Variants in NDUFB2 observed in about 807,000 individuals in gnomAD.
NDUFB2 encodes NADH dehydrogenase [ubiquinone] 1 beta subcomplex subunit 2, mitochondrial.
NDUFB2 carries 13 observed loss-of-function variants against 13.4 expected under a neutral mutation model. The observed-to-expected ratio is 0.97, with a 90% CI of 0.63 to 1.54. The LOEUF is 1.54. NDUFB2 is among the 40% of genes most tolerant of loss of function. The pLI is 0.00. For missense variants in NDUFB2, 150 were observed against 139.7 expected, an observed-to-expected ratio of 1.07 and a Z score of -0.37; for synonymous variants, 47 against 50.6, an observed-to-expected ratio of 0.93 and a Z score of 0.30.
intron 1 of NDUFB2, chr7:140,697,522 G>C: frequency 4.6e-6 from 2 of 434,086 alleles, no homozygotes; most frequent in South Asian, 5.9e-5. Flanking sequence ...GCGAGGTAGG[G>C]AGCGGGTGCG....
Position 140,704,890 on chromosome 7 carries a change from T to C in NDUFB2, c.274T>C (p.Trp92Arg), listed in dbSNP as rs755234630. ...CTTTCCGTATCCTGATCCTTCCCAG[T>C]GGACAGATGAAGAATTAGGTATCCC... ...GHFPYPDPSQ[W>R]TDEELGIPPD... is the part of the protein sequence containing the mutation. Residue 92 changes from tryptophan (W) to arginine (R), a missense_variant, in exon 3 of 4, where the codon TGG becomes CGG. Coordinates refer to ENST00000247866, the MANE Select transcript of NDUFB2 (RefSeq NM_004546.3). 3.1e-6 allele frequency: 5 copies of C among 1,604,266 alleles called. No individual in the cohort carries two copies. The Admixed American group carries it at 8.6e-5, about 27-fold the overall frequency.
At chr7:140,698,625 C>T (rs1794852410) in intron 1 of NDUFB2, among the ~76,000 whole-genome samples, 1 of 151,906 alleles carries the variant, frequency 6.6e-6, no homozygotes, top group Non-Finnish European at 1.5e-5. Context: ...AAGGGAAGAG[C>T]CCGGTGGACA....
intron 1 of NDUFB2, among the ~76,000 whole-genome samples, chr7:140,697,622 C>T (rs1178958232): frequency 1.3e-5 from 2 of 152,152 alleles, no homozygotes; most frequent in Non-Finnish European, 2.9e-5. Flanking sequence ...GATTCCAGGT[C>T]CCTTAGATCA....
chr7:140,701,713 A>C, intron 1 of NDUFB2: 1 of 198,170 alleles, frequency 5.0e-6, no homozygotes, highest in Non-Finnish European at 1.0e-5. Context: ...TGGGTGGATC[A>C]CCTAAGGTCA....
intron 1 of NDUFB2, chr7:140,700,551 G>A (rs1432002364): frequency 6.6e-6 from 1 of 151,928 alleles, no homozygotes; most frequent in Non-Finnish European, 1.5e-5. Context: ...CACTTTGGGA[G>A]GTCAGGGCAG....
chr7:140,706,068 A>ATGTTATGTT (rs1794968255), intron 3 of NDUFB2: 1 of 147,434 alleles, frequency 6.8e-6, no homozygotes, highest in Non-Finnish European at 1.5e-5. Context: ...GTTTTATGTT[A>ATGTTATGTT]TGTTATGTTA....
intron 1 of NDUFB2, among the ~76,000 whole-genome samples, chr7:140,702,354 G>A (rs896487045): frequency 1.3e-5 from 2 of 152,138 alleles, no homozygotes; most frequent in East Asian, 1.9e-4. Flanking sequence ...AAAGAAACAC[G>A]TATTCAAACT....
At chr7:140,702,587 C>A in intron 1 of NDUFB2, 1 of 378,434 alleles carries the variant, frequency 2.6e-6, no homozygotes, top group Non-Finnish European at 4.7e-6. Context: ...GGGCTAGCAC[C>A]CCAGAATCAA....
intron 1 of NDUFB2, among the ~76,000 whole-genome samples, chr7:140,698,976 G>A (rs1794858648): frequency 6.6e-6 from 1 of 152,054 alleles, no homozygotes; most frequent in African/African-American, 2.4e-5. Flanking sequence ...TGGCCAACAC[G>A]GTGAAACCCC....
chr7:140,698,743 G>A (rs1277991042), intron 1 of NDUFB2, among the ~76,000 whole-genome samples: 1 of 152,068 alleles, frequency 6.6e-6, no homozygotes, highest in Non-Finnish European at 1.5e-5. Flanking sequence ...CAGGTCACAG[G>A]GACAAGTGTG....
In NDUFB2 at chr7:140,704,887, C is replaced by T. The variant is rs754375818; in HGVS notation, c.271C>T (p.Gln91Ter). 6 of 1,603,230 alleles carry T rather than the reference C, an allele frequency of 3.7e-6. No individual in the cohort carries two copies. The East Asian group carries it at 6.8e-5, about 18-fold the overall frequency. The change falls in exon 3 of 4, where the codon CAG becomes TAG. Residue 91 changes from glutamine (Q) to a stop codon, truncating the protein, a stop_gained. Transcript: ENST00000247866. LOFTEE classifies it high-confidence loss of function. ...LGHFPYPDPS[Q>*]WTDEELGIPP... is the part of the protein sequence containing the mutation. The stretch of plus-strand genomic sequence containing the variant: ...TCACTTTCCGTATCCTGATCCTTCC[C>T]AGTGGACAGATGAAGAATTAGGTAT...
At chr7:140,703,218 T>C (rs1794920509) in intron 2 of NDUFB2, among the ~76,000 whole-genome samples, 1 of 151,690 alleles carries the variant, frequency 6.6e-6, no homozygotes, top group African/African-American at 2.4e-5. Context: ...TATATTTAGG[T>C]GGTCCGTTTC....
intron 2 of NDUFB2, among the ~76,000 whole-genome samples, chr7:140,703,818 C>G (rs569877942): frequency 6.6e-6 from 1 of 152,068 alleles, no homozygotes; most frequent in Non-Finnish European, 1.5e-5. Context: ...TGCAGTGGTG[C>G]GATCTTGGCT....
At position 140,696,857 on chromosome 7, in the gene NDUFB2, G is replaced by A; in HGVS notation, c.98+15G>A. ...GGAGTCCGTCAGTGAGTGTGGGGCT[G>A]GGGATGGGGGCCTCGCCGGCCTGTA... On this transcript the variant is annotated intron_variant, in intron 1 of 3. Transcript: ENST00000247866. 1 of 1,591,126 alleles carries A rather than the reference G, an allele frequency of 6.3e-7. No individual in the cohort carries two copies. The highest frequency in any genetic ancestry group is 8.6e-7 in the Non-Finnish European group (1 of 1,168,600).
intron 1 of NDUFB2, among the ~76,000 whole-genome samples, chr7:140,701,602 T>C (rs1432677261): frequency 6.6e-6 from 1 of 151,774 alleles, no homozygotes; most frequent in Non-Finnish European, 1.5e-5. Context: ...GTCACGCCAC[T>C]GCACTCTAGC....
chr7:140,697,182 G>A, intron 1 of NDUFB2: 2 of 599,058 alleles, frequency 3.3e-6, no homozygotes, highest in South Asian at 2.0e-5. Flanking sequence ...CGTGCGCGGC[G>A]GGTGTGGACG....
intron 2 of NDUFB2, among the ~76,000 whole-genome samples, chr7:140,703,553 G>A (rs1280591801): frequency 6.6e-6 from 1 of 151,968 alleles, no homozygotes; most frequent in African/African-American, 2.4e-5. Flanking sequence ...GGGATCACAG[G>A]CGTGAGCCAC....
At position 140,697,398 on chromosome 7, in the gene NDUFB2, G is replaced by A. The variant is rs1490911291; in HGVS notation, c.98+556G>A. 1.4e-5 allele frequency: 10 copies of A among 702,780 alleles called. No individual in the cohort carries two copies. The Admixed American group carries it at 1.8e-4, about 13-fold the overall frequency. The allele number at this position is 702,780 out of a possible 1,614,324, so 43.5% of individuals were successfully genotyped here. A position where few individuals can be genotyped will look rare whatever the true frequency, so the allele number is the denominator to read the frequency against. ...CCAGAGAGAGCGCCGTCGGGTGAGA[G>A]GAGCAGAAAGCCGGAAGCCAACGCT... is the stretch of plus-strand genomic sequence containing the variant. On this transcript the variant is annotated intron_variant, in intron 1 of 3. Coordinates refer to ENST00000247866, the MANE Select transcript of NDUFB2 (RefSeq NM_004546.3).
Position 140,705,018 on chromosome 7 carries a change from G to A in NDUFB2, c.*29+55G>A, listed in dbSNP as rs1794946618. 1.0e-5 allele frequency: 10 copies of A among 974,746 alleles called. No individual in the cohort carries two copies. The South Asian group carries it at 1.9e-4, about 19-fold the overall frequency. 60.4% of individuals were successfully genotyped at this position (974,746 alleles called of 1,614,324 possible). On this transcript the variant is annotated intron_variant, in intron 3 of 3. Transcript: ENST00000247866. ...TATTTACCTTTTTTCATAAACATTAGTTTTTACTTTGTGCCTATGATGGAC... is the reference window on the plus strand; with the variant it reads ...TATTTACCTTTTTTCATAAACATTAATTTTTACTTTGTGCCTATGATGGAC...
Sources: gnomAD v4.1 joint callset for allele counts (sites outside exome capture counted in the v4.1 genomes callset) on GRCh38, gnomAD v4.1.1 for gene constraint, MANE v1.5 for transcripts, NCBI Gene and HGNC (gene_info 2026-07-23, HGNC 2026-07-21) for gene names.